Variants in PSME4 observed in about 807,000 individuals in gnomAD.
PSME4 encodes the protein proteasome activator subunit 4.
In PSME4, 89 loss-of-function variants were observed where a neutral mutation model predicts 253.9. The observed-to-expected ratio is 0.35, with a 90% CI of 0.30 to 0.42. The LOEUF is 0.42. PSME4 is among the 10% of genes least tolerant of loss of function. PSME4 has a pLI of 1.00. For synonymous variants in PSME4, 851 were observed against 759.2 expected, an observed-to-expected ratio of 1.12 and a Z score of -1.99; for missense variants, 2,014 against 2,195.2, an observed-to-expected ratio of 0.92 and a Z score of 1.65.
chr2:53,907,650 T>C (rs1336376811), intron 24 of PSME4, among the ~76,000 whole-genome samples: 1 of 152,170 alleles, frequency 6.6e-6, no homozygotes, highest in African/African-American at 2.4e-5. Context: ...CTCCTACTGC[T>C]GAATATAAAA....
At chr2:53,955,896 T>G (rs1670214494) in intron 1 of PSME4, among the ~76,000 whole-genome samples, 1 of 152,086 alleles carries the variant, frequency 6.6e-6, no homozygotes, top group African/African-American at 2.4e-5. Context: ...CACTCCAACC[T>G]AGGCAACAGT....
chr2:53,913,438 C>G (rs17045386), intron 20 of PSME4, among the ~76,000 whole-genome samples: 11,356 of 152,178 alleles, frequency 0.075, 624 homozygotes, highest in East Asian at 0.26. Flanking sequence ...TAAATGAAGG[C>G]TGGGCGAATT....
intron 20 of PSME4, among the ~76,000 whole-genome samples, chr2:53,914,098 G>A (rs770298475): frequency 2.0e-5 from 3 of 152,130 alleles, no homozygotes; most frequent in South Asian, 2.1e-4. Flanking sequence ...TAAAAATGAC[G>A]TAATAAATCT....
At chr2:53,887,739 T>G in intron 39 of PSME4, 119 bp downstream of exon 39, 2 of 1,262,884 alleles carry the variant, frequency 1.6e-6, no homozygotes, top group Non-Finnish European at 2.2e-6. Flanking sequence ...GCAAACAATT[T>G]GAGAAAGACA....
At chr2:53,908,459 T>C (rs1667668119) in intron 23 of PSME4, 41 bp from the exon 24 acceptor site, 1 of 1,611,642 alleles carries the variant, frequency 6.2e-7, no homozygotes, top group Non-Finnish European at 8.5e-7. Context: ...AAGTCATCAA[T>C]CCAAGCTTGA....
At chr2:53,953,313 G>T (rs760019192) in intron 1 of PSME4, among the ~76,000 whole-genome samples, 96 of 151,764 alleles carry the variant, frequency 6.3e-4, no homozygotes, top group Non-Finnish European at 8.1e-4. Context: ...ATTTGACAAA[G>T]AACTCATATC....
At chr2:53,931,740 A>G in intron 10 of PSME4, 95 bp downstream of exon 10, 1 of 1,356,318 alleles carries the variant, frequency 7.4e-7, no homozygotes, top group African/African-American at 1.5e-5. Flanking sequence ...AGCATCGAAG[A>G]AGCAAAACAG....
rs760309137 is a variant in PSME4, at chr2:53,927,514, T to C, written c.1504-31A>G. 5 of 1,390,338 alleles carry C rather than the reference T, an allele frequency of 3.6e-6. No individual in the cohort carries two copies. The South Asian group carries it at 4.7e-5, about 13-fold the overall frequency. 86.1% of individuals were successfully genotyped at this position (1,390,338 alleles called of 1,614,324 possible). A position where few individuals can be genotyped will look rare whatever the true frequency, so the allele number is the denominator to read the frequency against. On this transcript the variant is annotated intron_variant, in intron 11 of 46. Coordinates refer to ENST00000404125, the MANE Select transcript of PSME4 (RefSeq NM_014614.3). ...GAAACATACAAAGGATTTTCAACAT[T>C]ACATAATTCTAATTCAGAAATACAA...
At chr2:53,902,615 T>A (rs1408950103) in intron 27 of PSME4, among the ~76,000 whole-genome samples, 2 of 152,164 alleles carry the variant, frequency 1.3e-5, no homozygotes, top group African/African-American at 4.8e-5. Context: ...CTCATTAAGG[T>A]CAACAACAGA....
intron 1 of PSME4, among the ~76,000 whole-genome samples, chr2:53,962,374 A>G (rs559865232): frequency 2.0e-5 from 3 of 147,570 alleles, no homozygotes; most frequent in Admixed American, 6.9e-5. Flanking sequence ...GAAGTTATAT[A>G]GTTATATGCT....
intron 20 of PSME4, among the ~76,000 whole-genome samples, chr2:53,913,623 T>C (rs914229954): frequency 2.0e-5 from 3 of 152,184 alleles, no homozygotes; most frequent in Non-Finnish European, 2.9e-5. Flanking sequence ...AAGAGACAGT[T>C]AGGCCTATTT....
intron 41 of PSME4, among the ~76,000 whole-genome samples, chr2:53,883,436 G>A (rs1157275282): frequency 3.3e-5 from 5 of 152,274 alleles, no homozygotes; most frequent in East Asian, 3.9e-4. Flanking sequence ...GGAGATTGAC[G>A]CTGCAGTGAG....
rs1225065879 is a variant in PSME4 at position 53,922,509 on chromosome 2, T to C, written c.2046+8A>G. The stretch of plus-strand genomic sequence containing the variant: ...AGTCATGTTTCTTATTCCAAAGATT[T>C]ACAATACCTCAGACAAAAGTTGAAG... On this transcript the variant is annotated splice_region_variant and intron_variant, in intron 17 of 46. Transcript: ENST00000404125. 1.2e-6 allele frequency: 2 copies of C among 1,611,534 alleles called. No individual in the cohort carries two copies. The highest frequency in any genetic ancestry group is 2.2e-5 in the East Asian group (1 of 44,754).
intron 4 of PSME4, 57 bp from the exon 5 acceptor site, chr2:53,937,597 G>A: frequency 3.9e-6 from 6 of 1,521,474 alleles, no homozygotes; most frequent in Non-Finnish European, 5.4e-6. Context: ...CTCTACAACA[G>A]CAATATATAT....
intron 27 of PSME4, 124 bp from the exon 28 acceptor site, chr2:53,901,683 G>C: frequency 1.5e-6 from 1 of 651,326 alleles, no homozygotes; most frequent in Non-Finnish European, 2.4e-6. Context: ...ATATTGGTTA[G>C]TAAAATATGT....
At chr2:53,922,943 A>C (rs1668391208) in intron 16 of PSME4, 106 bp downstream of exon 16, 1 of 975,176 alleles carries the variant, frequency 1.0e-6, no homozygotes, top group Non-Finnish European at 1.5e-6. Context: ...TTGCCAATCA[A>C]AATATTGTGA....
intron 1 of PSME4, among the ~76,000 whole-genome samples, chr2:53,957,279 T>G (rs1254867907): frequency 6.6e-6 from 1 of 152,180 alleles, no homozygotes; most frequent in East Asian, 1.9e-4. Flanking sequence ...TTGAGGACAT[T>G]ATATTTATTG....
chr2:53,919,387 A>C, intron 19 of PSME4, 141 bp from the exon 20 acceptor site: 2 of 1,109,824 alleles, frequency 1.8e-6, no homozygotes, highest in South Asian at 4.3e-5. Context: ...TTACCAACTT[A>C]ACAGTGAAGA....
At chr2:53,875,217 T>A (rs778738331) in intron 42 of PSME4, among the ~76,000 whole-genome samples, 3 of 152,208 alleles carry the variant, frequency 2.0e-5, no homozygotes, top group Non-Finnish European at 4.4e-5. Context: ...AATGTCTGGA[T>A]AAAGCTGACC....
Sources: allele counts gnomAD v4.1 joint callset (sites outside exome capture counted in the v4.1 genomes callset), GRCh38; gene constraint gnomAD v4.1.1; transcripts MANE v1.5; gene names NCBI Gene and HGNC (gene_info 2026-07-23, HGNC 2026-07-21).